The following DSCAML1 variants were observed in gnomAD, a reference collection of about 807,000 sequenced individuals.
DSCAML1 encodes DS cell adhesion molecule like 1, also known as cell adhesion molecule DSCAML1.
DSCAML1 carries 38 observed loss-of-function variants against 200.5 expected under a neutral mutation model. That is an observed-to-expected ratio of 0.19 (90% CI 0.15 to 0.25). The LOEUF (loss-of-function observed/expected upper bound fraction) is 0.25, where lower values mean the gene tolerates loss of function less well. DSCAML1 is among the 10% of genes least tolerant of loss of function. The pLI is 1.00. For missense variants in DSCAML1, 2,223 were observed against 2,858.8 expected (o/e 0.78, Z 5.07); for synonymous variants, 1,215 against 1,165.0 (o/e 1.04, Z -0.87).
rs533558215 is a variant in DSCAML1, at chr11:117,436,902, C to T, written c.4720+220G>A. ...GGTATTACTGACCTATGTGTCTGTC[C>T]ATCTGTAGTGGCCATTGGTGCATCT... On this transcript the variant is annotated intron_variant, in intron 26 of 32. Transcript: ENST00000651296. 3.3e-5 allele frequency among the ~76,000 whole-genome samples: 5 copies of T among 152,272 alleles called. No individual in the cohort carries two copies. The East Asian group carries it at 5.8e-4, about 18-fold the overall frequency.
intron 14 of DSCAML1, among the ~76,000 whole-genome samples, chr11:117,477,312 T>C (rs774785932): frequency 3.3e-5 from 5 of 151,428 alleles, no homozygotes; most frequent in Non-Finnish European, 7.4e-5. Flanking sequence ...TGTGGCATAT[T>C]ATACTTGATT....
intron 4 of DSCAML1, among the ~76,000 whole-genome samples, chr11:117,532,089 T>C (rs1392412613): frequency 6.6e-6 from 1 of 151,184 alleles, no homozygotes; most frequent in Non-Finnish European, 1.5e-5. Context: ...GTTACTATGT[T>C]TGAGTATCAG....
At chr11:117,520,287 G>T (rs2049860254) in intron 6 of DSCAML1, among the ~76,000 whole-genome samples, 1 of 152,194 alleles carries the variant, frequency 6.6e-6, no homozygotes. Flanking sequence ...ACACAGAGGT[G>T]CTGGGTAAGG....
rs1237220991 is a variant in DSCAML1 at position 117,797,216 on chromosome 11, T to C, written c.-137A>G. 6 of 1,491,510 alleles carry C rather than the reference T, an allele frequency of 4.0e-6. No individual in the cohort carries two copies. The highest frequency in any genetic ancestry group is 4.5e-6 in the Non-Finnish European group (5 of 1,121,238). 92.4% of individuals were successfully genotyped at this position (1,491,510 alleles called of 1,614,324 possible). On this transcript the variant is annotated 5_prime_UTR_variant, in exon 1 of 33. Coordinates refer to ENST00000651296, the MANE Select transcript of DSCAML1 (RefSeq NM_020693.4). ...TCTGCTCCTCAGCCCAGCGCTCGGC[T>C]GCGGCGGCGGCTCCTCCCTCCTCGG...
At chr11:117,627,051 G>T (rs1426657104) in intron 3 of DSCAML1, among the ~76,000 whole-genome samples, 1 of 152,200 alleles carries the variant, frequency 6.6e-6, no homozygotes, top group Non-Finnish European at 1.5e-5. Flanking sequence ...TATTTCTGTG[G>T]TAAATAACCT....
intron 3 of DSCAML1, among the ~76,000 whole-genome samples, chr11:117,638,962 A>G (rs2052345132): frequency 6.6e-6 from 1 of 152,214 alleles, no homozygotes; most frequent in South Asian, 2.1e-4. Context: ...TGTTTTCCAA[A>G]GTGGCTGCCC....
At chr11:117,655,683 C>T (rs976235837) in intron 3 of DSCAML1, among the ~76,000 whole-genome samples, 1 of 152,136 alleles carries the variant, frequency 6.6e-6, no homozygotes, top group Admixed American at 6.5e-5. Context: ...CCCTAGTGTC[C>T]GTGGAAGTTG....
chr11:117,535,192 G>C (rs68096541), intron 3 of DSCAML1, among the ~76,000 whole-genome samples: 40,583 of 151,964 alleles, frequency 0.27, 5,784 homozygotes, highest in African/African-American at 0.35. Flanking sequence ...GAGGAGGGAG[G>C]CACCCCCGTT....
chr11:117,721,581 T>C (rs2054041749), intron 3 of DSCAML1, among the ~76,000 whole-genome samples: 1 of 150,932 alleles, frequency 6.6e-6, no homozygotes, highest in Non-Finnish European at 1.5e-5. Flanking sequence ...TCCTAAATTG[T>C]TTAAAACTCG....
At chr11:117,647,621 G>A (rs988717638) in intron 3 of DSCAML1, among the ~76,000 whole-genome samples, 2 of 152,222 alleles carry the variant, frequency 1.3e-5, no homozygotes, top group Non-Finnish European at 2.9e-5. Flanking sequence ...AGGACTTGGG[G>A]AGTAGGGATG....
Position 117,480,502 on chromosome 11 carries a change from T to G in DSCAML1, c.2726A>C (p.Gln909Pro). The change falls in exon 14 of 33, where the codon CAG becomes CCG. Residue 909 changes from glutamine to proline, a missense_variant. By Grantham distance (76) the Gln-to-Pro change is moderately conservative. Transcript: ENST00000651296. This position sits in a 1 kb window ranked among gnomAD's most constrained non-coding sequence, Gnocchi z 4.1. ...GATGATGCTGTTCCCGTCGAATCGC[T>G]GGGTCCAGCGCAGGTTCATGCTCCG... ...KARSMNLRWT[Q>P]RFDGNSIITG... 2 of 1,609,716 alleles carry G rather than the reference T, an allele frequency of 1.2e-6. No individual in the cohort carries two copies. Among genetic ancestry groups the G allele is most frequent in the Non-Finnish European group, 1.7e-6 (2 of 1,178,084 alleles).
intron 3 of DSCAML1, among the ~76,000 whole-genome samples, chr11:117,595,126 T>C (rs777458945): frequency 6.7e-6 from 1 of 150,222 alleles, no homozygotes; most frequent in Non-Finnish European, 1.5e-5. Flanking sequence ...TCTGAAGAGA[T>C]GAGGGTGAGG....
rs750218765 is a variant in DSCAML1, at chr11:117,461,498, C to T, written c.3364G>A (p.Val1122Ile). ...SEPPRSTLNG[V>I]LKGYRVIFWS... ...AAGATGACCCGATAGCCTTTGAGGA[C>T]GCCATTGAGGGTGCTGCGCGGGGGC... The change falls in exon 18 of 33, where the codon GTC becomes ATC. Residue 1122 changes from valine (V) to isoleucine (I), a missense_variant. Coordinates refer to ENST00000651296, the MANE Select transcript of DSCAML1 (RefSeq NM_020693.4). The T allele has an allele frequency of 2.5e-5, 40 of 1,614,092 alleles. No individual in the cohort carries two copies. Among genetic ancestry groups the T allele is most frequent in the Admixed American group, 6.7e-5 (4 of 60,002 alleles).
chr11:117,458,708 A>T, intron 19 of DSCAML1, 46 bp downstream of exon 19: 1 of 1,600,458 alleles, frequency 6.2e-7, no homozygotes, highest in Non-Finnish European at 8.5e-7. Flanking sequence ...GGGGGTTAGC[A>T]GTGGGTGGCA....
intron 4 of DSCAML1, among the ~76,000 whole-genome samples, chr11:117,531,571 A>G (rs1466189168): frequency 2.0e-5 from 3 of 152,206 alleles, no homozygotes; most frequent in East Asian, 1.9e-4. Context: ...CAAAAGATAC[A>G]TATGTACTCA....
intron 3 of DSCAML1, among the ~76,000 whole-genome samples, chr11:117,737,731 A>T (rs2054344599): frequency 6.6e-6 from 1 of 152,218 alleles, no homozygotes; most frequent in Non-Finnish European, 1.5e-5. Context: ...GGCCTTGGGA[A>T]GCCTTCACTG....
intron 3 of DSCAML1, among the ~76,000 whole-genome samples, chr11:117,678,879 G>A (rs924547906): frequency 6.6e-6 from 1 of 152,280 alleles, no homozygotes. Flanking sequence ...CCAAGAGAGG[G>A]TTTTGAATAG....
At chr11:117,779,752 G>GTT (rs2055198520) in intron 2 of DSCAML1, among the ~76,000 whole-genome samples, 1 of 152,202 alleles carries the variant, frequency 6.6e-6, no homozygotes, top group Non-Finnish European at 1.5e-5. Flanking sequence ...CAGAATAGTG[G>GTT]TGGCTCTTAG....
At position 117,546,140 on chromosome 11, in the gene DSCAML1, T is replaced by TACCCCC. The variant is rs1469390260; in HGVS notation, c.512-13619_512-13618insGGGGGT. ...GGGAACAGTCAGGTCCCACCATCTTTATCTCTGCCTTTGGGCTCTATAGGA... is the reference window on the plus strand; with the variant it reads ...GGGAACAGTCAGGTCCCACCATCTTTACCCCCATCTCTGCCTTTGGGCTCTATAGGA... On this transcript the variant is annotated intron_variant, in intron 3 of 32. Transcript: ENST00000651296. Among the ~76,000 whole-genome samples, 4 of 152,248 alleles carry TACCCCC rather than the reference T, an allele frequency of 2.6e-5. No individual in the cohort carries two copies. In the East Asian group the frequency reaches 5.8e-4, roughly 22 times the overall value.
Sources: gnomAD v4.1 joint callset for allele counts (sites outside exome capture counted in the v4.1 genomes callset) on GRCh38, gnomAD v4.1.1 for gene constraint, Gnocchi (gnomAD v3.1) non-coding constraint, MANE v1.5 for transcripts, NCBI Gene and HGNC (gene_info 2026-07-23, HGNC 2026-07-21) for gene names.